The following TRANK1 variants were observed in gnomAD, a reference collection of about 807,000 sequenced individuals.
The protein encoded by TRANK1 is tetratricopeptide repeat and ankyrin repeat containing 1, also known as TPR and ankyrin repeat-containing protein 1.
TRANK1 carries 198 observed loss-of-function variants against 266.0 expected under a neutral mutation model. The observed-to-expected ratio is 0.74, with a 90% CI of 0.66 to 0.84. The LOEUF (loss-of-function observed/expected upper bound fraction) is 0.84. TRANK1 is among the 40% of genes least tolerant of loss of function. The probability of loss-of-function intolerance (pLI) is 0.00; values close to 1 mark genes in which losing one functional copy is unlikely to be tolerated. For missense variants in TRANK1, 3,326 were observed against 3,634.6 expected (o/e 0.92, Z 2.18); for synonymous variants, 1,396 against 1,384.1 (o/e 1.01, Z -0.19).
intron 18 of TRANK1, among the ~76,000 whole-genome samples, chr3:36,842,331 A>C (rs2078857589): frequency 6.6e-6 from 1 of 152,264 alleles, no homozygotes; most frequent in African/African-American, 2.4e-5. Flanking sequence ...ACAGGAGGGA[A>C]AGAAAATATA....
chr3:36,833,136 T>C lies in TRANK1; in HGVS notation c.6447A>G (p.Arg2149=). The change falls in exon 22 of 24, where the codon AGA becomes AGG. Residue 2149 remains arginine (R), a synonymous_variant. Transcript: ENST00000645898. ...AAAAATGATCTTTTGTTTTTTTCTCTCTCAAGTTCAAATCCAGGTCAAAAA... is the reference window on the plus strand; with the variant it reads ...AAAAATGATCTTTTGTTTTTTTCTCCCTCAAGTTCAAATCCAGGTCAAAAA... ...RIIFDLDLNL[R]EKKTKDHFLI... 1.9e-6 allele frequency: 3 copies of C among 1,613,150 alleles called. No homozygotes were observed. The highest frequency in any genetic ancestry group is 2.5e-6 in the Non-Finnish European group (3 of 1,179,440).
intron 10 of TRANK1, among the ~76,000 whole-genome samples, chr3:36,863,518 G>A (rs993307277): frequency 6.6e-6 from 1 of 152,158 alleles, no homozygotes; most frequent in Admixed American, 6.5e-5. Context: ...TGATACCTAA[G>A]AAAGAAAGGC....
chr3:36,903,998 G>A (rs577198533), intron 2 of TRANK1, among the ~76,000 whole-genome samples: 7 of 151,222 alleles, frequency 4.6e-5, no homozygotes, highest in East Asian at 2.0e-4. Flanking sequence ...TCACTCTGTC[G>A]CCCAAGCTGG....
At chr3:36,892,554 G>A (rs1017370824) in intron 6 of TRANK1, among the ~76,000 whole-genome samples, 1 of 152,200 alleles carries the variant, frequency 6.6e-6, no homozygotes, top group South Asian at 2.1e-4. Context: ...GCCTTGCGAG[G>A]CGCAGTGATT....
chr3:36,935,671 T>G (rs2080416215), intron 1 of TRANK1, among the ~76,000 whole-genome samples: 1 of 152,136 alleles, frequency 6.6e-6, no homozygotes, highest in Non-Finnish European at 1.5e-5. Context: ...GGTCTTGAAC[T>G]CCTTACCTGA....
chr3:36,858,659 C>G (rs1432958120), intron 12 of TRANK1, 59 bp downstream of exon 12: 1 of 1,411,672 alleles, frequency 7.1e-7, no homozygotes, highest in African/African-American at 1.4e-5. Flanking sequence ...AACATAGCAT[C>G]AGTTCTAATA....
chr3:36,913,030 TTGTG>T lies in TRANK1; in HGVS notation c.24-4580_24-4577del, dbSNP rs10633466. On this transcript the variant is annotated intron_variant, in intron 1 of 23. Transcript: ENST00000645898. ...TGAAGCTAGAAAGAGTATGTCTCTT[TTGTG>T]TGTGTGTGTGTGTGTGTGTGTGTGT... Among the ~76,000 whole-genome samples the T allele has an allele frequency of 8.7e-4, 126 of 144,164 alleles. 1 individual carries two copies. The East Asian group carries it at 0.023, about 27-fold the overall frequency. 94.6% of individuals were successfully genotyped at this position (144,164 alleles called of 152,430 possible).
chr3:36,913,390 TTTGC>T (rs5847942), intron 1 of TRANK1, among the ~76,000 whole-genome samples: 5,968 of 151,598 alleles, frequency 0.039, 163 homozygotes, highest in African/African-American at 0.08. Context: ...TTCTTGCCTG[TTTGC>T]TTGCTTGCTT....
chr3:36,913,314 T>G (rs2080079100), intron 1 of TRANK1, among the ~76,000 whole-genome samples: 1 of 152,088 alleles, frequency 6.6e-6, no homozygotes, highest in South Asian at 2.1e-4. Context: ...TGTCCCAAAG[T>G]GCTGGGATTA....
intron 1 of TRANK1, among the ~76,000 whole-genome samples, 190 bp downstream of exon 1, chr3:36,944,597 C>T (rs1198282932): frequency 2.0e-5 from 3 of 152,156 alleles, no homozygotes; most frequent in African/African-American, 7.2e-5. Context: ...AGCCGTCCCC[C>T]GCGACCGACC....
chr3:36,855,550 A>C lies in TRANK1; in HGVS notation c.4172T>G (p.Ile1391Ser). 6.2e-7 allele frequency: 1 copy of C among 1,613,844 alleles called. No homozygotes were observed. Among genetic ancestry groups the C allele is most frequent in the Non-Finnish European group, 8.5e-7 (1 of 1,179,858 alleles). Reference protein sequence around the residue: ...CPNFKEDRSEIYSLFSLYQQI... With the variant: ...CPNFKEDRSESYSLFSLYQQI... ...CTGATACAGACTGAAGAGGCTGTAG[A>C]TCTCACTCCGGTCTTCCTTGAAATT... Residue 1391 changes from isoleucine to serine, a missense_variant, in exon 13 of 24, where the codon ATC becomes AGC. Ile to Ser is a moderately radical substitution (Grantham distance 142). Transcript: ENST00000645898.
intron 3 of TRANK1, among the ~76,000 whole-genome samples, chr3:36,900,862 A>AAAAAAAAAAAAAAAAAAAAAAAC (rs2079867815): frequency 6.8e-6 from 1 of 146,738 alleles, no homozygotes; most frequent in Non-Finnish European, 1.5e-5. Flanking sequence ...AAAAAAAAAA[A>AAAAAAAAAAAAAAAAAAAAAAAC]AAAAAAAAAA....
chr3:36,895,202 C>A (rs1453831675), intron 5 of TRANK1, among the ~76,000 whole-genome samples: 1 of 152,206 alleles, frequency 6.6e-6, no homozygotes, highest in African/African-American at 2.4e-5. Context: ...GGATTCCTGG[C>A]CCTGGGTTCA....
chr3:36,830,172 G>A (rs934070275), intron 22 of TRANK1, among the ~76,000 whole-genome samples: 3 of 152,084 alleles, frequency 2.0e-5, no homozygotes, highest in Admixed American at 2.0e-4. Context: ...AAAATTAGCT[G>A]TGCATGGTGA....
chr3:36,929,455 A>G (rs1466299411), intron 1 of TRANK1: 1 of 152,240 alleles, frequency 6.6e-6, no homozygotes, highest in Non-Finnish European at 1.5e-5. Flanking sequence ...TACTAACATG[A>G]AAGTAAGCAC....
rs181250916 is a variant in TRANK1 at position 36,855,923 on chromosome 3, C to G, written c.3799G>C (p.Asp1267His). 12 of 1,613,568 alleles carry G rather than the reference C, an allele frequency of 7.4e-6. No individual in the cohort carries two copies. In the Admixed American group the frequency reaches 1.5e-4, roughly 20 times the overall value. ...ATGATGGTTCTTTTCAAGCTTCCAT[C>G]TTCGTTTCTCAGAAAAAATGGTTTG... ...LPKPFFLRNE[D>H]GSLKRTIIGW... Residue 1267 changes from aspartate to histidine, a missense_variant, in exon 13 of 24, where the codon GAT becomes CAT. Asp to His is a moderately conservative substitution (Grantham distance 81, BLOSUM62 -1). Transcript: ENST00000645898.
intron 10 of TRANK1, among the ~76,000 whole-genome samples, chr3:36,864,046 A>G (rs946322704): frequency 2.6e-5 from 4 of 152,220 alleles, no homozygotes; most frequent in Non-Finnish European, 5.9e-5. Flanking sequence ...AAATATCTAT[A>G]GTATTTTTTA....
chr3:36,937,884 C>T lies in TRANK1; in HGVS notation c.23+6903G>A, dbSNP rs572896621. Reference sequence around the variant, plus strand: ...AAGATGTTTTCTAATCAAAGGAGAACTTGGGCTTTGATAATAGCAGCCCAG... The same window carrying T: ...AAGATGTTTTCTAATCAAAGGAGAATTTGGGCTTTGATAATAGCAGCCCAG... On this transcript the variant is annotated intron_variant, in intron 1 of 23. Transcript: ENST00000645898. Among the ~76,000 whole-genome samples the T allele has an allele frequency of 2.0e-5, 3 of 152,340 alleles. No homozygotes were observed. In the South Asian group the frequency reaches 6.2e-4, roughly 32 times the overall value.
At chr3:36,893,208 A>C (rs1459843083) in intron 5 of TRANK1, among the ~76,000 whole-genome samples, 2 of 151,806 alleles carry the variant, frequency 1.3e-5, no homozygotes. Flanking sequence ...GCCCCTCCAC[A>C]CTTCCTCAAA....
Sources: allele counts gnomAD v4.1 joint callset (sites outside exome capture counted in the v4.1 genomes callset), GRCh38; gene constraint gnomAD v4.1.1; transcripts MANE v1.5; gene names NCBI Gene and HGNC (gene_info 2026-07-23, HGNC 2026-07-21).